OSBPL10: variants seen among roughly 807,000 people sequenced by gnomAD.
OSBPL10 encodes oxysterol-binding protein-related protein 10.
A neutral mutation model predicts 81.7 loss-of-function variants in OSBPL10; 49 were observed. The ratio of observed to expected loss-of-function variants is 0.60; its 90% CI spans 0.48 to 0.76. The LOEUF is 0.76. OSBPL10 is among the 30% of genes least tolerant of loss of function. OSBPL10 has a pLI of 0.00. For missense variants in OSBPL10, 923 were observed against 987.8 expected, an observed-to-expected ratio of 0.93 and a Z score of 0.88; for synonymous variants, 419 against 383.6, an observed-to-expected ratio of 1.09 and a Z score of -1.08.
chr3:31,933,848 ACT>A (rs961076441), intron 1 of OSBPL10, among the ~76,000 whole-genome samples: 25 of 152,154 alleles, frequency 1.6e-4, no homozygotes, highest in African/African-American at 5.8e-4. Context: ...ACATTAAGAG[ACT>A]CTCTAGGCCA....
At chr3:31,948,890 T>C (rs1697779950) in intron 1 of OSBPL10, among the ~76,000 whole-genome samples, 1 of 152,202 alleles carries the variant, frequency 6.6e-6, no homozygotes, top group Non-Finnish European at 1.5e-5. Context: ...ACCTCTATGG[T>C]AATGCAGGGC....
intron 2 of OSBPL10, among the ~76,000 whole-genome samples, chr3:32,026,391 C>G (rs9866238): frequency 0.011 from 1,600 of 152,202 alleles, 33 homozygotes; most frequent in African/African-American, 0.037. Context: ...TTCTGCCTCC[C>G]AAAGCAGTGG....
At chr3:31,715,590 C>T (rs941860002) in intron 6 of OSBPL10, among the ~76,000 whole-genome samples, 13 of 152,130 alleles carry the variant, frequency 8.5e-5, no homozygotes, top group Non-Finnish European at 1.5e-4. Context: ...TGATGAAACA[C>T]CACAGAACAA....
At chr3:32,020,244 C>T (rs1239702087) in intron 2 of OSBPL10, among the ~76,000 whole-genome samples, 3 of 152,192 alleles carry the variant, frequency 2.0e-5, no homozygotes, top group Non-Finnish European at 2.9e-5. Flanking sequence ...GTTGTACAAT[C>T]GTCACCACAT....
intron 6 of OSBPL10, among the ~76,000 whole-genome samples, chr3:31,731,255 C>T (rs1160587109): frequency 1.3e-5 from 2 of 152,140 alleles, no homozygotes; most frequent in African/African-American, 4.8e-5. Flanking sequence ...AGAATTCTAA[C>T]TCTCCCTTCT....
chr3:31,945,131 C>T (rs1361231219), intron 1 of OSBPL10, among the ~76,000 whole-genome samples: 2 of 114,654 alleles, frequency 1.7e-5, no homozygotes, highest in African/African-American at 7.2e-5. Context: ...AGCCTGGCGA[C>T]AGAGCAAGAC....
rs191691275 is a variant in OSBPL10 at position 31,661,874 on chromosome 3, G to T, written c.*198C>A. 2.0e-5 allele frequency: 14 copies of T among 712,452 alleles called. No homozygotes were observed. The Admixed American group carries it at 4.1e-4, about 21-fold the overall frequency. The allele number at this position is 712,452 out of a possible 1,614,324, so 44.1% of individuals were successfully genotyped here. ...TACGGTGTGTACACACACGTGCCCC[G>T]AATGGCTCTTGAATAAATTCATTCC... On this transcript the variant is annotated 3_prime_UTR_variant, in exon 12 of 12. Transcript: ENST00000396556.
At chr3:31,797,037 C>G (rs1307661337) in intron 4 of OSBPL10, among the ~76,000 whole-genome samples, 1 of 132,000 alleles carries the variant, frequency 7.6e-6, no homozygotes, top group East Asian at 2.2e-4. Context: ...GCTCTGTTGC[C>G]AGGCTGGAGT....
intron 1 of OSBPL10, among the ~76,000 whole-genome samples, chr3:31,971,313 C>A (rs961036582): frequency 6.6e-6 from 1 of 151,804 alleles, no homozygotes; most frequent in African/African-American, 2.4e-5. Context: ...CTAATTGTTG[C>A]ATTTTTAGTA....
In OSBPL10 at chr3:31,927,026, G is replaced by A. The variant is rs556781452; in HGVS notation, c.282-47196C>T. 2.0e-5 allele frequency among the ~76,000 whole-genome samples: 3 copies of A among 152,266 alleles called. No individual in the cohort carries two copies. The East Asian group carries it at 5.8e-4, about 29-fold the overall frequency. On this transcript the variant is annotated intron_variant, in intron 1 of 11. Coordinates refer to ENST00000396556, the MANE Select transcript of OSBPL10 (RefSeq NM_017784.5). ...CTCGGGAGACTGAGGCAGGAGAATA[G>A]CTTGAACCCAAGAGGTAGAGGTTGC... is the stretch of plus-strand genomic sequence containing the variant.
At chr3:32,015,303 CT>C (rs1241350806) in intron 2 of OSBPL10, among the ~76,000 whole-genome samples, 5 of 152,146 alleles carry the variant, frequency 3.3e-5, no homozygotes, top group Non-Finnish European at 1.5e-5. Flanking sequence ...ATATCTACAA[CT>C]ATCTGATCTT....
At chr3:32,003,733 G>A (rs959957877) in intron 2 of OSBPL10, among the ~76,000 whole-genome samples, 2 of 152,164 alleles carry the variant, frequency 1.3e-5, no homozygotes, top group African/African-American at 2.4e-5. Flanking sequence ...CGGAGGTCAT[G>A]TAGCTCTGCA....
In OSBPL10 at chr3:31,931,405, T is replaced by C. The variant is rs533104356; in HGVS notation, c.281+49494A>G. 4.6e-5 allele frequency among the ~76,000 whole-genome samples: 7 copies of C among 152,298 alleles called. No homozygotes were observed. The East Asian group carries it at 1.4e-3, about 29-fold the overall frequency. On this transcript the variant is annotated intron_variant, in intron 1 of 11. Transcript: ENST00000396556. ...CACACTCCAAGTCCTTAGACAATTA[T>C]CAAGGGTCCCCTAGCTGGTCTCCAT...
chr3:31,718,967 G>A (rs970705846), intron 6 of OSBPL10: 14 of 152,146 alleles, frequency 9.2e-5, no homozygotes, highest in African/African-American at 3.4e-4. Context: ...CTCTTAATAA[G>A]AGGACTGCTA....
intron 4 of OSBPL10, among the ~76,000 whole-genome samples, chr3:31,822,913 T>TAAAAAAAAAAAAAAA (rs71097447): frequency 6.1e-4 from 54 of 89,030 alleles, no homozygotes; most frequent in South Asian, 2.4e-3. Context: ...CCCCCAACTC[T>TAAAAAAAAAAAAAAA]AAAAAAAAAA....
intron 1 of OSBPL10, among the ~76,000 whole-genome samples, chr3:31,968,810 G>A (rs1282524798): frequency 6.6e-6 from 1 of 152,086 alleles, no homozygotes; most frequent in African/African-American, 2.4e-5. Flanking sequence ...ATGTACTTTG[G>A]GCCAAGGTAT....
At chr3:31,770,811 T>C (rs778445315) in intron 4 of OSBPL10, among the ~76,000 whole-genome samples, 1 of 152,138 alleles carries the variant, frequency 6.6e-6, no homozygotes, top group Non-Finnish European at 1.5e-5. Flanking sequence ...GAACTAGTTT[T>C]GAGCTCAGCT....
At chr3:31,933,927 C>T (rs959601324) in intron 1 of OSBPL10, among the ~76,000 whole-genome samples, 2 of 151,910 alleles carry the variant, frequency 1.3e-5, no homozygotes. Context: ...TTAAGTGCTA[C>T]AGTTAAGAAT....
chr3:31,905,232 T>C (rs187003694), intron 1 of OSBPL10, among the ~76,000 whole-genome samples: 161 of 152,030 alleles, frequency 1.1e-3, no homozygotes, highest in African/African-American at 3.8e-3. Flanking sequence ...TCTGCATAAA[T>C]ACATATGAGC....
Sources: allele counts gnomAD v4.1 joint callset (sites outside exome capture counted in the v4.1 genomes callset), GRCh38; gene constraint gnomAD v4.1.1; transcripts MANE v1.5; gene names NCBI Gene and HGNC (gene_info 2026-07-23, HGNC 2026-07-21).